Variants in DCLK2 observed in about 807,000 individuals in gnomAD.
The protein encoded by DCLK2 is serine/threonine-protein kinase DCLK2.
In DCLK2, 31 loss-of-function variants were observed where a neutral mutation model predicts 78.4. That is an observed-to-expected ratio of 0.40 (90% CI 0.30 to 0.53). DCLK2 has a LOEUF of 0.53. Ranked by LOEUF, DCLK2 falls within the 20% of genes least tolerant of loss-of-function variation. DCLK2 has a pLI of 0.61. For missense variants in DCLK2, 872 were observed against 973.7 expected, an observed-to-expected ratio of 0.90 and a Z score of 1.39; for synonymous variants, 407 against 374.9, an observed-to-expected ratio of 1.09 and a Z score of -0.99.
At chr4:150,191,869 CT>C (rs929894043) in intron 2 of DCLK2, among the ~76,000 whole-genome samples, 2 of 152,116 alleles carry the variant, frequency 1.3e-5, no homozygotes, top group African/African-American at 4.8e-5. Context: ...AGTGAGACCT[CT>C]TTTTTTCCCC....
chr4:150,148,858 C>A (rs574468410), intron 2 of DCLK2, among the ~76,000 whole-genome samples: 1 of 151,696 alleles, frequency 6.6e-6, no homozygotes, highest in South Asian at 2.1e-4. Flanking sequence ...CATGGTGAAA[C>A]CCCGTTTCTA....
At chr4:150,152,081 A>G (rs1270695379) in intron 2 of DCLK2, among the ~76,000 whole-genome samples, 1 of 152,222 alleles carries the variant, frequency 6.6e-6, no homozygotes, top group African/African-American at 2.4e-5. Flanking sequence ...ACATGTGTTC[A>G]CCAAAGTGTA....
intron 2 of DCLK2, among the ~76,000 whole-genome samples, chr4:150,131,394 AT>A (rs763364690): frequency 2.6e-5 from 4 of 152,156 alleles, no homozygotes; most frequent in Non-Finnish European, 4.4e-5. Context: ...AAAAGTAGAT[AT>A]TCTTTGTATG....
At chr4:150,080,922 A>T (rs529849130) in intron 1 of DCLK2, among the ~76,000 whole-genome samples, 1 of 152,318 alleles carries the variant, frequency 6.6e-6, no homozygotes, top group East Asian at 1.9e-4. Flanking sequence ...GGGCTTCTTG[A>T]GGAGGTAAGG....
chr4:150,206,464 G>A (rs1739849358), intron 5 of DCLK2, among the ~76,000 whole-genome samples: 1 of 152,088 alleles, frequency 6.6e-6, no homozygotes, highest in Non-Finnish European at 1.5e-5. Context: ...AAGAACAGTT[G>A]TCTTTCCAGG....
rs1358443701 is a variant in DCLK2 at position 150,256,200 on chromosome 4, G to A, written c.2254G>A (p.Ala752Thr). ...ESPTPHPPPA[A>T]PGGERAGTWR... The stretch of plus-strand genomic sequence containing the variant: ...TCCCACCCCCCACCCTCCTCCCGCT[G>A]CCCCGGGTGGTGAGCGGGCAGGAAC... Residue 752 changes from alanine (A) to threonine (T), a missense_variant, in exon 16 of 16, where the codon GCC becomes ACC. By Grantham distance (58) the Ala-to-Thr change is moderately conservative. This residue lies in a region of DCLK2 where 219 missense variants were observed against 230.1 expected (regional missense o/e 0.95). Coordinates refer to ENST00000296550, the MANE Select transcript of DCLK2 (RefSeq NM_001040260.4). The A allele has an allele frequency of 6.6e-7, 1 of 1,520,512 alleles. No individual in the cohort carries two copies. The allele number at this position is 1,520,512 out of a possible 1,614,324, so 94.2% of individuals were successfully genotyped here. A position where few individuals can be genotyped will look rare whatever the true frequency, so the allele number is the denominator to read the frequency against.
chr4:150,102,808 A>C lies in DCLK2; in HGVS notation c.752A>C (p.Lys251Thr). 6.2e-7 allele frequency: 1 copy of C among 1,601,148 alleles called. No individual in the cohort carries two copies. Among genetic ancestry groups the C allele is most frequent in the East Asian group, 2.2e-5 (1 of 44,766 alleles). The part of the protein sequence containing the change: ...VVKRLCTLDG[K>T]QVTCLQDFFG... Reference sequence around the variant, plus strand: ...AAGAGGCTCTGCACCCTGGATGGAAAGCAGGTAAGATGCTTCTAGCTCCCA... The same window carrying C: ...AAGAGGCTCTGCACCCTGGATGGAACGCAGGTAAGATGCTTCTAGCTCCCA... Residue 251 changes from lysine (K) to threonine (T), a missense_variant, in exon 2 of 16, where the codon AAG becomes ACG. Coordinates refer to ENST00000296550, the MANE Select transcript of DCLK2 (RefSeq NM_001040260.4).
chr4:150,136,664 A>G (rs1487079079), intron 2 of DCLK2, among the ~76,000 whole-genome samples: 1 of 152,152 alleles, frequency 6.6e-6, no homozygotes, highest in Non-Finnish European at 1.5e-5. Flanking sequence ...ATGTGGTTTG[A>G]GCATATCATT....
chr4:150,248,511 C>G, intron 14 of DCLK2, 126 bp downstream of exon 14: 1 of 769,144 alleles, frequency 1.3e-6, no homozygotes, highest in Non-Finnish European at 2.2e-6. Context: ...GTCTGTCTGT[C>G]CCATTGAGCA....
rs531726269 is a variant in DCLK2, at chr4:150,239,789, T to C, written c.1614T>C (p.Phe538=). 1.2e-6 allele frequency: 2 copies of C among 1,614,226 alleles called. No individual in the cohort carries two copies. Among genetic ancestry groups the C allele is most frequent in the South Asian group, 1.1e-5 (1 of 91,078 alleles). ...DGTKSLKLGD[F]GLATVVEGPL... ...CCAAGTCTTTGAAACTGGGAGACTTTGGGCTTGCGACTGTGGTAGAAGGCC... is the reference window on the plus strand; with the variant it reads ...CCAAGTCTTTGAAACTGGGAGACTTCGGGCTTGCGACTGTGGTAGAAGGCC... The change falls in exon 11 of 16, where the codon TTT becomes TTC. Residue 538 remains phenylalanine, a synonymous_variant. Coordinates refer to ENST00000296550, the MANE Select transcript of DCLK2 (RefSeq NM_001040260.4).
intron 5 of DCLK2, among the ~76,000 whole-genome samples, chr4:150,210,575 G>T (rs1740218925): frequency 6.6e-6 from 1 of 152,034 alleles, no homozygotes; most frequent in Admixed American, 6.6e-5. Flanking sequence ...GGAGGCGGAG[G>T]TTGCATTGAG....
chr4:150,224,061 C>T (rs1044171716), intron 7 of DCLK2, among the ~76,000 whole-genome samples: 1 of 151,994 alleles, frequency 6.6e-6, no homozygotes, highest in East Asian at 1.9e-4. Flanking sequence ...TATTTCCTGC[C>T]TCTCCCTGAT....
At chr4:150,215,785 T>C (rs1740664070) in intron 5 of DCLK2, among the ~76,000 whole-genome samples, 2 of 152,240 alleles carry the variant, frequency 1.3e-5, no homozygotes, top group East Asian at 1.9e-4. Flanking sequence ...TTCTGTTTTT[T>C]CTTAGCCTCT....
chr4:150,254,179 G>A (rs746599294), intron 15 of DCLK2, among the ~76,000 whole-genome samples: 23 of 152,220 alleles, frequency 1.5e-4, no homozygotes, highest in African/African-American at 2.2e-4. Context: ...CCGAGAAGCC[G>A]CCGTCACTCG....
chr4:150,240,696 A>G (rs1425043385), intron 12 of DCLK2, among the ~76,000 whole-genome samples: 1 of 151,026 alleles, frequency 6.6e-6, no homozygotes, highest in Admixed American at 6.6e-5. Context: ...ACATGTATAC[A>G]TATGTAACTA....
chr4:150,210,098 A>G (rs1301965647), intron 5 of DCLK2, among the ~76,000 whole-genome samples: 1 of 152,132 alleles, frequency 6.6e-6, no homozygotes, highest in Non-Finnish European at 1.5e-5. Flanking sequence ...GAAAAAAAGC[A>G]CATGAAGTCC....
intron 1 of DCLK2, among the ~76,000 whole-genome samples, chr4:150,088,077 T>C (rs1473249920): frequency 6.6e-6 from 1 of 152,176 alleles, no homozygotes. Flanking sequence ...GATGCAGTTA[T>C]TTCTCAAAGG....
intron 2 of DCLK2, among the ~76,000 whole-genome samples, chr4:150,190,239 AT>A (rs1738325009): frequency 1.6e-4 from 7 of 43,186 alleles, no homozygotes; most frequent in Non-Finnish European, 2.5e-4. Flanking sequence ...GGATAGTTAG[AT>A]AGATAGATAG....
At chr4:150,144,683 C>A (rs912905498) in intron 2 of DCLK2, among the ~76,000 whole-genome samples, 1 of 152,066 alleles carries the variant, frequency 6.6e-6, no homozygotes, top group South Asian at 2.1e-4. Context: ...AACTCTTGGG[C>A]TCAAGTGATC....
Sources: allele counts gnomAD v4.1 joint callset (sites outside exome capture counted in the v4.1 genomes callset), GRCh38; gene constraint gnomAD v4.1.1; regional missense constraint gnomAD v4.1.1; transcripts MANE v1.5; gene names NCBI Gene and HGNC (gene_info 2026-07-23, HGNC 2026-07-21).